MAML2: variants seen among roughly 807,000 people sequenced by gnomAD.
MAML2 encodes the protein mastermind-like protein 2.
MAML2 carries 22 observed loss-of-function variants against 96.1 expected under a neutral mutation model. That is an observed-to-expected ratio of 0.23 (90% CI 0.16 to 0.33). MAML2 has a LOEUF of 0.33. Among genes scored for constraint, MAML2 ranks in the 10% least tolerant of loss-of-function variants. The pLI, the probability that MAML2 is intolerant of heterozygous loss-of-function variation, is 1.00. For synonymous variants in MAML2, 561 were observed against 521.3 expected (o/e 1.08, Z -1.04); for missense variants, 1,367 against 1,392.4 (o/e 0.98, Z 0.29).
intron 1 of MAML2, among the ~76,000 whole-genome samples, chr11:96,232,418 G>A (rs1184564693): frequency 1.3e-5 from 2 of 152,156 alleles, no homozygotes; most frequent in Admixed American, 1.3e-4. Flanking sequence ...ATGGTGTTAA[G>A]AGGGAACTTG....
At chr11:96,154,589 A>G (rs1450834322) in intron 1 of MAML2, among the ~76,000 whole-genome samples, 1 of 152,188 alleles carries the variant, frequency 6.6e-6, no homozygotes. Context: ...ACCCAACAAC[A>G]AAGTATTTTC....
At chr11:96,138,531 C>A (rs536885895) in intron 1 of MAML2, among the ~76,000 whole-genome samples, 1 of 152,148 alleles carries the variant, frequency 6.6e-6, no homozygotes, top group Non-Finnish European at 1.5e-5. Context: ...ATGTTGAACT[C>A]CTAATGGCTG....
Position 96,092,325 on chromosome 11 carries a change from T to C in MAML2, c.1706A>G (p.Gln569Arg). 6.2e-7 allele frequency: 1 copy of C among 1,601,022 alleles called. No individual in the cohort carries two copies. The highest frequency in any genetic ancestry group is 8.5e-7 in the Non-Finnish European group (1 of 1,173,494). ...GGAAGGCAAAACAGAAGGCATCTGC[T>C]GGTTCGCTTGATCTGAGTTAAAATG... Reference protein sequence around the residue: ...LFHFNSDQANQQMPSVLPSQN... With the variant: ...LFHFNSDQANRQMPSVLPSQN... The change falls in exon 2 of 5, where the codon CAG becomes CGG. Residue 569 changes from glutamine to arginine, a missense_variant. By Grantham distance (43) the Gln-to-Arg change is conservative (BLOSUM62 1). Transcript: ENST00000524717. The surrounding 1 kb of genome is among the most constrained non-coding windows in gnomAD (Gnocchi z 4.1).
chr11:96,193,300 C>T (rs907718826), intron 1 of MAML2, among the ~76,000 whole-genome samples: 7 of 152,094 alleles, frequency 4.6e-5, no homozygotes, highest in East Asian at 1.9e-4. Context: ...ACCCGGGAGG[C>T]GGAGGTTGCA....
At chr11:96,104,017 C>T (rs185580308) in intron 1 of MAML2, among the ~76,000 whole-genome samples, 7 of 152,300 alleles carry the variant, frequency 4.6e-5, no homozygotes, top group Non-Finnish European at 7.3e-5. Context: ...CCTTCTTTTC[C>T]TTAAGTCTCG....
At chr11:96,274,237 C>T (rs950977210) in intron 1 of MAML2, among the ~76,000 whole-genome samples, 12 of 152,160 alleles carry the variant, frequency 7.9e-5, no homozygotes, top group Admixed American at 6.5e-4. Flanking sequence ...AGCCCGCTAC[C>T]ACGCCCTGCT....
chr11:96,240,236 C>CA (rs1357436929), intron 1 of MAML2, among the ~76,000 whole-genome samples: 1 of 152,012 alleles, frequency 6.6e-6, no homozygotes, highest in African/African-American at 2.4e-5. Flanking sequence ...TCCTGACATA[C>CA]AAAAAATAGA....
intron 1 of MAML2, among the ~76,000 whole-genome samples, chr11:96,199,433 T>G (rs1288187078): frequency 6.6e-6 from 1 of 152,170 alleles, no homozygotes; most frequent in East Asian, 1.9e-4. Flanking sequence ...AGAAAAAAAA[T>G]TTATGTATTT....
intron 2 of MAML2, among the ~76,000 whole-genome samples, chr11:96,037,514 C>A (rs1858737057): frequency 6.6e-6 from 1 of 152,098 alleles, no homozygotes; most frequent in Non-Finnish European, 1.5e-5. Context: ...TGGCTGGTGA[C>A]CATGGAAAAC....
chr11:96,009,315 G>A (rs1858232652), intron 2 of MAML2, among the ~76,000 whole-genome samples: 1 of 152,028 alleles, frequency 6.6e-6, no homozygotes, highest in African/African-American at 2.4e-5. Context: ...TGACAGCTGG[G>A]TTCATGGCTT....
chr11:96,316,901 A>G (rs78875685), intron 1 of MAML2, among the ~76,000 whole-genome samples: 5 of 151,960 alleles, frequency 3.3e-5, no homozygotes, highest in Non-Finnish European at 7.3e-5. Flanking sequence ...GGAACTGAGC[A>G]AATGATCCAA....
At chr11:96,339,980 C>T (rs1217519311) in intron 1 of MAML2, among the ~76,000 whole-genome samples, 1 of 152,222 alleles carries the variant, frequency 6.6e-6, no homozygotes, top group African/African-American at 2.4e-5. Flanking sequence ...AAACCCTGTG[C>T]AGTTTAACTG....
At chr11:96,273,649 T>C (rs184371092) in intron 1 of MAML2, among the ~76,000 whole-genome samples, 8 of 152,332 alleles carry the variant, frequency 5.3e-5, no homozygotes, top group Non-Finnish European at 1.0e-4. Context: ...TTAGTCTATG[T>C]AGTAGTTATG....
intron 1 of MAML2, among the ~76,000 whole-genome samples, chr11:96,307,563 G>A (rs1042954945): frequency 6.6e-6 from 1 of 152,120 alleles, no homozygotes; most frequent in Non-Finnish European, 1.5e-5. Flanking sequence ...TCTTAAAGCT[G>A]CAACTCCGAC....
chr11:96,138,829 C>T (rs1208158928), intron 1 of MAML2, among the ~76,000 whole-genome samples: 2 of 152,012 alleles, frequency 1.3e-5, no homozygotes, highest in African/African-American at 4.8e-5. Context: ...TCCTAGGGTG[C>T]TTGATTTATC....
At chr11:95,983,733 G>T (rs912659935) in intron 4 of MAML2, among the ~76,000 whole-genome samples, 7 of 151,900 alleles carry the variant, frequency 4.6e-5, no homozygotes, top group Non-Finnish European at 7.4e-5. Context: ...TAGAAAAAAA[G>T]CTTCTAGAAT....
intron 1 of MAML2, among the ~76,000 whole-genome samples, chr11:96,302,350 A>G (rs556935665): frequency 5.9e-5 from 9 of 152,294 alleles, no homozygotes; most frequent in Non-Finnish European, 1.2e-4. Flanking sequence ...ATGTACTTTC[A>G]TCTGTTGTTC....
intron 1 of MAML2, among the ~76,000 whole-genome samples, chr11:96,295,444 T>G: frequency 6.6e-6 from 1 of 152,160 alleles, no homozygotes; most frequent in South Asian, 2.1e-4. Flanking sequence ...TAAACAGAAG[T>G]TGACGCACGC....
At chr11:96,220,014 G>A (rs751429379) in intron 1 of MAML2, among the ~76,000 whole-genome samples, 1 of 152,092 alleles carries the variant, frequency 6.6e-6, no homozygotes, top group Non-Finnish European at 1.5e-5. Context: ...GTTAACTCTT[G>A]GGAAACACAA....
Sources: gnomAD v4.1 joint callset for allele counts (sites outside exome capture counted in the v4.1 genomes callset) on GRCh38, gnomAD v4.1.1 for gene constraint, Gnocchi (gnomAD v3.1) non-coding constraint, MANE v1.5 for transcripts, NCBI Gene and HGNC (gene_info 2026-07-23, HGNC 2026-07-21) for gene names.